Variants in LYPLAL1 observed in about 807,000 individuals in gnomAD.
The protein encoded by LYPLAL1 is lysophospholipase-like protein 1.
Under a neutral mutation model 19.7 loss-of-function variants are expected in LYPLAL1, and 23 were observed. That is an observed-to-expected ratio of 1.17 (90% CI 0.84 to 1.65). The LOEUF (loss-of-function observed/expected upper bound fraction) is 1.65. LYPLAL1 is among the 40% of genes most tolerant of loss of function. The pLI is 0.00. For missense variants in LYPLAL1, 355 were observed against 279.4 expected (o/e 1.27, Z -1.93); for synonymous variants, 119 against 96.3 (o/e 1.24, Z -1.38).
At chr1:219,352,516 C>CAAATAAAT in the LYPLAL1 span, among the ~76,000 whole-genome samples, 15 of 150,792 alleles carry the variant, frequency 9.9e-5, no homozygotes, top group African/African-American at 3.2e-4. Context: ...GACTCCGTCT[C>CAAATAAAT]AAATAAATAA....
intron 2 of LYPLAL1, among the ~76,000 whole-genome samples, chr1:219,188,196 C>A (rs947361496): frequency 6.6e-6 from 1 of 151,588 alleles, no homozygotes; most frequent in South Asian, 2.1e-4. Context: ...GAATGAAGTC[C>A]CTGCTCTCAA....
At chr1:219,310,877 T>C in the LYPLAL1 span, among the ~76,000 whole-genome samples, 1 of 152,222 alleles carries the variant, frequency 6.6e-6, no homozygotes, top group Non-Finnish European at 1.5e-5. Context: ...TAACTCTTAG[T>C]AGCCTCCAAT....
At chr1:219,390,313 G>A in the LYPLAL1 span, among the ~76,000 whole-genome samples, 1 of 152,126 alleles carries the variant, frequency 6.6e-6, no homozygotes, top group African/African-American at 2.4e-5. Flanking sequence ...CTCTCTGGAA[G>A]TTCCTTTATC....
the LYPLAL1 span, among the ~76,000 whole-genome samples, chr1:219,318,021 G>T: frequency 6.6e-6 from 1 of 152,190 alleles, no homozygotes; most frequent in African/African-American, 2.4e-5. Context: ...GGGTGTTCAA[G>T]TCAGAGTGTT....
At chr1:219,190,885 A>G (rs1657125688) in intron 2 of LYPLAL1, among the ~76,000 whole-genome samples, 1 of 151,576 alleles carries the variant, frequency 6.6e-6, no homozygotes, top group African/African-American at 2.4e-5. Flanking sequence ...TTGCTTGGGA[A>G]GGTTACGGGA....
At chr1:219,272,856 C>T in the LYPLAL1 span, 2 of 151,274 alleles carry the variant, frequency 1.3e-5, no homozygotes, top group South Asian at 4.2e-4. Context: ...AAATTAGAAT[C>T]GGAATTGCTG....
At chr1:219,369,781 A>G in the LYPLAL1 span, among the ~76,000 whole-genome samples, 1 of 152,230 alleles carries the variant, frequency 6.6e-6, no homozygotes, top group Non-Finnish European at 1.5e-5. Context: ...TATGACAAGG[A>G]TAAATGTATC....
chr1:219,372,516 C>T, the LYPLAL1 span, among the ~76,000 whole-genome samples: 2 of 152,108 alleles, frequency 1.3e-5, no homozygotes, highest in Non-Finnish European at 1.5e-5. Context: ...GGTTCTAATG[C>T]GAACTCTGAA....
At chr1:219,328,734 C>A in the LYPLAL1 span, among the ~76,000 whole-genome samples, 1 of 152,088 alleles carries the variant, frequency 6.6e-6, no homozygotes, top group Non-Finnish European at 1.5e-5. Flanking sequence ...GAAACCTCAA[C>A]CAAAATTATA....
chr1:219,250,374 G>A, the LYPLAL1 span, among the ~76,000 whole-genome samples: 2 of 151,946 alleles, frequency 1.3e-5, no homozygotes. Context: ...TATTCTTGAA[G>A]CGATGGCTCA....
chr1:219,444,970 GC>G, the LYPLAL1 span, among the ~76,000 whole-genome samples: 26 of 151,552 alleles, frequency 1.7e-4, no homozygotes, highest in Non-Finnish European at 3.2e-4. Flanking sequence ...TCCAAAATGT[GC>G]TTTTGTACTT....
At chr1:219,268,177 A>G in the LYPLAL1 span, among the ~76,000 whole-genome samples, 1 of 152,292 alleles carries the variant, frequency 6.6e-6, no homozygotes, top group Admixed American at 6.5e-5. Context: ...GACAGAGGAA[A>G]ACCTAAGTAA....
At chr1:219,210,908 G>A (rs544893211) in intron 4 of LYPLAL1, among the ~76,000 whole-genome samples, 1 of 152,114 alleles carries the variant, frequency 6.6e-6, no homozygotes, top group African/African-American at 2.4e-5. Context: ...GTGTGGTTGT[G>A]GGGGAGCATA....
At chr1:219,443,070 A>C in the LYPLAL1 span, among the ~76,000 whole-genome samples, 59 of 150,234 alleles carry the variant, frequency 3.9e-4, no homozygotes, top group African/African-American at 1.4e-3. Context: ...CAATTTCTCC[A>C]AGAGTTTCTG....
the LYPLAL1 span, among the ~76,000 whole-genome samples, chr1:219,413,128 A>G: frequency 3.3e-5 from 5 of 152,110 alleles, no homozygotes; most frequent in African/African-American, 1.2e-4. Flanking sequence ...TTGAAGAAAA[A>G]TTTCTTGACA....
At chr1:219,358,371 G>C in the LYPLAL1 span, among the ~76,000 whole-genome samples, 1 of 152,134 alleles carries the variant, frequency 6.6e-6, no homozygotes, top group African/African-American at 2.4e-5. Context: ...TTTTCTATGG[G>C]AATCCTAGTT....
At chr1:219,289,330 G>A in the LYPLAL1 span, among the ~76,000 whole-genome samples, 4 of 152,088 alleles carry the variant, frequency 2.6e-5, no homozygotes, top group Admixed American at 2.6e-4. Flanking sequence ...CAAATGAGGG[G>A]ATGCATGTGA....
At chr1:219,228,747 T>G in the LYPLAL1 span, among the ~76,000 whole-genome samples, 1 of 152,056 alleles carries the variant, frequency 6.6e-6, no homozygotes, top group African/African-American at 2.4e-5. Context: ...TGGCGCGATC[T>G]TGGCTCACCA....
At chr1:219,389,831 C>A in the LYPLAL1 span, among the ~76,000 whole-genome samples, 1 of 152,066 alleles carries the variant, frequency 6.6e-6, no homozygotes, top group African/African-American at 2.4e-5. Context: ...ATATAATTAT[C>A]AAGAATGGAT....
Sources: gnomAD v4.1 joint callset for allele counts (sites outside exome capture counted in the v4.1 genomes callset) on GRCh38, gnomAD v4.1.1 for gene constraint, MANE v1.5 for transcripts, NCBI Gene and HGNC (gene_info 2026-07-23, HGNC 2026-07-21) for gene names.